Variants in RERE observed in about 807,000 individuals in gnomAD.
RERE encodes arginine-glutamic acid dipeptide repeats.
Under a neutral mutation model 146.1 loss-of-function variants are expected in RERE, and 40 were observed. The observed-to-expected ratio is 0.27, with a 90% CI of 0.21 to 0.36. The LOEUF is 0.36. RERE is among the 10% of genes least tolerant of loss of function. The probability of loss-of-function intolerance (pLI) is 1.00; values close to 1 mark genes in which losing one functional copy is unlikely to be tolerated. For missense variants in RERE, 1,933 were observed against 2,138.7 expected, an observed-to-expected ratio of 0.90 and a Z score of 1.90; for synonymous variants, 1,003 against 866.0, an observed-to-expected ratio of 1.16 and a Z score of -2.78.
intron 7 of RERE, among the ~76,000 whole-genome samples, chr1:8,514,786 A>AAATAAT (rs915416030): frequency 6.6e-6 from 1 of 151,942 alleles, no homozygotes; most frequent in Non-Finnish European, 1.5e-5. Context: ...AAGAAAAGAG[A>AAATAAT]AATAATAATA....
At chr1:8,440,521 T>TCAGA (rs1285834521) in intron 11 of RERE, among the ~76,000 whole-genome samples, 1 of 130,816 alleles carries the variant, frequency 7.6e-6, no homozygotes, top group African/African-American at 3.0e-5. Flanking sequence ...AACCAGGGAG[T>TCAGA]CAGAGGTCGC....
chr1:8,720,874 G>C (rs1478501035), intron 1 of RERE, among the ~76,000 whole-genome samples: 32 of 152,090 alleles, frequency 2.1e-4, no homozygotes, highest in Admixed American at 2.1e-3. Context: ...TGACCAACAC[G>C]GTGCAACCCC....
At chr1:8,757,492 A>G (rs1298051423) in intron 1 of RERE, among the ~76,000 whole-genome samples, 1 of 152,228 alleles carries the variant, frequency 6.6e-6, no homozygotes, top group Non-Finnish European at 1.5e-5. Context: ...TAGAATTTAC[A>G]TAATTTCCCA....
intron 12 of RERE, among the ~76,000 whole-genome samples, chr1:8,377,856 C>T (rs765676210): frequency 1.1e-4 from 16 of 151,992 alleles, no homozygotes; most frequent in East Asian, 1.9e-4. Context: ...GTGCATTTCC[C>T]GAGGTGATAA....
chr1:8,380,726 G>A (rs1479818956), intron 12 of RERE: 1 of 394,530 alleles, frequency 2.5e-6, no homozygotes, highest in African/African-American at 2.1e-5. Flanking sequence ...AAAATCCTCA[G>A]CAATGAAGGA....
At chr1:8,640,440 T>C (rs1647162181) in intron 2 of RERE, among the ~76,000 whole-genome samples, 1 of 152,214 alleles carries the variant, frequency 6.6e-6, no homozygotes, top group Admixed American at 6.5e-5. Flanking sequence ...GTTTGGTTTA[T>C]CATTTTACAC....
At chr1:8,404,583 T>C (rs1175676204) in intron 12 of RERE, among the ~76,000 whole-genome samples, 1 of 152,326 alleles carries the variant, frequency 6.6e-6, no homozygotes, top group East Asian at 1.9e-4. Context: ...CAAATCACCC[T>C]ACGTTTTTAA....
intron 2 of RERE, among the ~76,000 whole-genome samples, chr1:8,636,150 G>A (rs566447147): frequency 1.2e-3 from 186 of 152,178 alleles, no homozygotes; most frequent in Non-Finnish European, 2.3e-3. Flanking sequence ...CACAACACCC[G>A]GCTAATTTTG....
At chr1:8,798,584 G>T (rs1641526187) in intron 1 of RERE, 1 of 219,970 alleles carries the variant, frequency 4.5e-6, no homozygotes, top group South Asian at 8.1e-5. Context: ...TGGCACCTCA[G>T]ATCGCCCTTA....
chr1:8,498,894 C>T (rs1184816055), intron 8 of RERE, among the ~76,000 whole-genome samples: 1 of 151,832 alleles, frequency 6.6e-6, no homozygotes, highest in African/African-American at 2.4e-5. Context: ...TGCCTTGATA[C>T]GAATCATCAC....
At chr1:8,813,614 CT>C (rs34918730) in intron 1 of RERE, among the ~76,000 whole-genome samples, 60,103 of 120,964 alleles carry the variant, frequency 0.5, 14,761 homozygotes, top group East Asian at 0.79. Flanking sequence ...CTATTTTTTC[CT>C]TTTTTTTTTT....
intron 12 of RERE, among the ~76,000 whole-genome samples, chr1:8,385,934 A>AGT (rs1642624856): frequency 8.2e-6 from 1 of 121,260 alleles, no homozygotes; most frequent in Admixed American, 9.9e-5. Context: ...GCACCACTGC[A>AGT]CTCCACCCTG....
intron 1 of RERE, among the ~76,000 whole-genome samples, chr1:8,736,503 G>A (rs775797194): frequency 9.2e-5 from 14 of 151,956 alleles, no homozygotes; most frequent in South Asian, 2.1e-4. Context: ...CACCGCGCCC[G>A]GCCTATACTT....
intron 4 of RERE, among the ~76,000 whole-genome samples, chr1:8,587,559 C>T (rs1327452478): frequency 6.6e-6 from 1 of 152,202 alleles, no homozygotes; most frequent in Non-Finnish European, 1.5e-5. Context: ...TTCATGTGAA[C>T]TGTCTCAGTA....
At chr1:8,355,351 G>T in intron 22 of RERE, 68 bp downstream of exon 22, 2 of 1,538,572 alleles carry the variant, frequency 1.3e-6, no homozygotes, top group Middle Eastern at 2.1e-4. Flanking sequence ...CCTGGCCCTG[G>T]GCACACGGGG....
At chr1:8,437,550 C>G (rs17032587) in intron 11 of RERE, among the ~76,000 whole-genome samples, 4,088 of 152,160 alleles carry the variant, frequency 0.027, 197 homozygotes, top group African/African-American at 0.095. Flanking sequence ...GTCCCAAGAT[C>G]AGGGGCTGGT....
At chr1:8,645,640 C>T (rs1647271660) in intron 2 of RERE, among the ~76,000 whole-genome samples, 1 of 152,148 alleles carries the variant, frequency 6.6e-6, no homozygotes, top group Non-Finnish European at 1.5e-5. Flanking sequence ...CCATGGGATG[C>T]CAATCTGTGG....
Position 8,423,022 on chromosome 1 carries a change from C to G in RERE, c.1204-215G>C, listed in dbSNP as rs1320193635. 1 of 529,682 alleles carries G rather than the reference C, an allele frequency of 1.9e-6. No homozygotes were observed. 32.8% of individuals were successfully genotyped at this position (529,682 alleles called of 1,614,324 possible). A position where few individuals can be genotyped will look rare whatever the true frequency, so the allele number is the denominator to read the frequency against. The stretch of plus-strand genomic sequence containing the variant: ...TCATCAGAACCCCAATCCCACCCAC[C>G]ACGCAGGGCAGCGCGTTTAAGAGAA... On this transcript the variant is annotated intron_variant, in intron 11 of 22. Transcript: ENST00000400908. This position sits in a 1 kb window ranked among gnomAD's most constrained non-coding sequence, Gnocchi z 5.4.
intron 1 of RERE, among the ~76,000 whole-genome samples, chr1:8,696,721 C>G (rs1175854165): frequency 1.3e-5 from 2 of 151,242 alleles, no homozygotes; most frequent in East Asian, 3.9e-4. Flanking sequence ...ACCAGCCTGG[C>G]CAACACGGTG....
Sources: gnomAD v4.1 joint callset for allele counts (sites outside exome capture counted in the v4.1 genomes callset) on GRCh38, gnomAD v4.1.1 for gene constraint, Gnocchi (gnomAD v3.1) non-coding constraint, MANE v1.5 for transcripts, NCBI Gene and HGNC (gene_info 2026-07-23, HGNC 2026-07-21) for gene names.